LPL: variants seen among roughly 807,000 people sequenced by gnomAD.
The protein encoded by LPL is lipoprotein lipase.
LPL carries 43 observed loss-of-function variants against 52.2 expected under a neutral mutation model. That is an observed-to-expected ratio of 0.82 (90% confidence interval 0.64 to 1.06). LPL has a LOEUF of 1.06. LPL is among the 50% of genes least tolerant of loss of function. The pLI is 0.00. For synonymous variants in LPL, 244 were observed against 215.6 expected, an observed-to-expected ratio of 1.13 and a Z score of -1.15; for missense variants, 639 against 585.3, an observed-to-expected ratio of 1.09 and a Z score of -0.95.
chr8:19,948,204 A>G lies in LPL; in HGVS notation c.113A>G (p.Glu38Gly), dbSNP rs142501489. The G allele has an allele frequency of 1.5e-5, 24 of 1,614,068 alleles. No individual in the cohort carries two copies. Among genetic ancestry groups the G allele is most frequent in the Non-Finnish European group, 1.9e-5 (23 of 1,180,042 alleles). Residue 38 changes from glutamate to glycine, a missense_variant, in exon 2 of 10, where the codon GAA (glutamate) becomes GGA (glycine). Glu to Gly is a moderately conservative substitution (Grantham distance 98). Coordinates refer to ENST00000650287, the MANE Select transcript of LPL (RefSeq NM_000237.3). ...ADQRRDFIDI[E>G]SKFALRTPED... ...GAAAGAAGAGATTTTATCGACATCGAAAGTAAATTTGCCCTAAGGACCCCT... is the reference window on the plus strand; with the variant it reads ...GAAAGAAGAGATTTTATCGACATCGGAAGTAAATTTGCCCTAAGGACCCCT...
At position 19,962,099 on chromosome 8, in the gene LPL, C is replaced by G. The variant is rs776887768; in HGVS notation, c.1323-16C>G. The G allele has an allele frequency of 5.8e-6, 9 of 1,550,640 alleles. No individual in the cohort carries two copies. In the African/African-American group the frequency reaches 1.2e-4, roughly 21 times the overall value. On this transcript the variant is annotated splice_polypyrimidine_tract_variant and intron_variant, in intron 8 of 9. Coordinates refer to ENST00000650287, the MANE Select transcript of LPL (RefSeq NM_000237.3). ...ATTGTTCTACATGGCATATTCACATCCATTTTCTTCCACAGGGTGATCTTC... is the reference window on the plus strand; with the variant it reads ...ATTGTTCTACATGGCATATTCACATGCATTTTCTTCCACAGGGTGATCTTC...
chr8:19,953,464 G>A (rs1267185130), intron 4 of LPL, 43 bp downstream of exon 4: 17 of 1,428,898 alleles, frequency 1.2e-5, no homozygotes, highest in Non-Finnish European at 1.7e-5. Flanking sequence ...GAGGTGAAAA[G>A]ACTGTCATTC....
At position 19,959,250 on chromosome 8, in the gene LPL, T is replaced by C; in HGVS notation, c.1019-10T>C. On this transcript the variant is annotated splice_polypyrimidine_tract_variant and intron_variant, in intron 6 of 9. Transcript: ENST00000650287. The stretch of plus-strand genomic sequence containing the variant: ...GATTGATCAACATGTTCGAATTTCC[T>C]CCCCAACAGTCTTCCATTACCAAGT... The C allele has an allele frequency of 3.7e-6, 6 of 1,614,146 alleles. No homozygotes were observed. The highest frequency in any genetic ancestry group is 5.1e-6 in the Non-Finnish European group (6 of 1,179,990).
rs2070033603 is a variant in LPL, at chr8:19,961,026, G to A, written c.1265G>A (p.Ser422Asn). The A allele has an allele frequency of 6.2e-7, 1 of 1,614,136 alleles. No homozygotes were observed. The highest frequency in any genetic ancestry group is 8.5e-7 in the Non-Finnish European group (1 of 1,179,978). The change falls in exon 8 of 10, where the codon AGC (serine) becomes AAC (asparagine). Residue 422 changes from serine to asparagine, a missense_variant. Ser to Asn is a conservative substitution (Grantham distance 46, BLOSUM62 1). Transcript: ENST00000650287. ...TACTTTAGCTGGTCAGACTGGTGGA[G>A]CAGTCCCGGCTTCGCCATTCAGAAG... ...DSYFSWSDWW[S>N]SPGFAIQKIR...
At chr8:19,947,228 G>C (rs555540054) in intron 1 of LPL, among the ~76,000 whole-genome samples, 1 of 151,946 alleles carries the variant, frequency 6.6e-6, no homozygotes, top group African/African-American at 2.4e-5. Flanking sequence ...ATAGAGGCCC[G>C]GCCCGATGGC....
intron 2 of LPL, among the ~76,000 whole-genome samples, chr8:19,948,895 A>T (rs137999837): frequency 8.6e-5 from 13 of 152,032 alleles, no homozygotes; most frequent in African/African-American, 2.7e-4. Flanking sequence ...CTACTTCCAA[A>T]ATTTTCCAGT....
chr8:19,960,813 C>A, intron 7 of LPL, 88 bp from the exon 8 acceptor site: 1 of 914,386 alleles, frequency 1.1e-6, no homozygotes, highest in Non-Finnish European at 1.8e-6. Flanking sequence ...AATAATAAAG[C>A]TATTTATATT....
chr8:19,947,930 A>C (rs1158313705), intron 1 of LPL, among the ~76,000 whole-genome samples: 1 of 152,186 alleles, frequency 6.6e-6, no homozygotes, highest in Non-Finnish European at 1.5e-5. Context: ...GGAGAGCTTC[A>C]AGAAAGGCTG....
At position 19,948,341 on chromosome 8, in the gene LPL, G is replaced by A. The variant is rs1563569634; in HGVS notation, c.249+1G>A. ...CTTCATGGTGATCCATGGCTGGACG[G>A]TAAGGGAGGCTCTTTGGGGAAGAGT... On this transcript the variant is annotated splice_donor_variant, in intron 2 of 9. Coordinates refer to ENST00000650287, the MANE Select transcript of LPL (RefSeq NM_000237.3). LOFTEE classifies it high-confidence loss of function. 1 of 1,613,780 alleles carries A rather than the reference G, an allele frequency of 6.2e-7. No homozygotes were observed.
chr8:19,955,065 T>C (rs1313418277), intron 5 of LPL, among the ~76,000 whole-genome samples: 1 of 152,192 alleles, frequency 6.6e-6, no homozygotes, highest in Non-Finnish European at 1.5e-5. Context: ...CCTAGGATAT[T>C]CTCGTTATTT....
intron 1 of LPL, among the ~76,000 whole-genome samples, chr8:19,942,129 C>T (rs1187741169): frequency 1.3e-5 from 2 of 152,252 alleles, no homozygotes; most frequent in Admixed American, 1.3e-4. Context: ...GGGGGAAGAG[C>T]GGCGATGGAA....
chr8:19,953,437 C>T lies in LPL; in HGVS notation c.541+16C>T, dbSNP rs748582264. 1.1e-5 allele frequency: 18 copies of T among 1,581,794 alleles called. No homozygotes were observed. The highest frequency in any genetic ancestry group is 4.4e-5 in the South Asian group (4 of 90,434). ...AGAATTACTGGTAAGAAAGCAATTT[C>T]GTTGGTCTTATCATAAGAGGTGAAA... is the stretch of plus-strand genomic sequence containing the variant. On this transcript the variant is annotated intron_variant, in intron 4 of 9. Coordinates refer to ENST00000650287, the MANE Select transcript of LPL (RefSeq NM_000237.3).
chr8:19,945,945 G>C, intron 1 of LPL, among the ~76,000 whole-genome samples: 1 of 152,334 alleles, frequency 6.6e-6, no homozygotes, highest in East Asian at 1.9e-4. Flanking sequence ...AGGTGTGGGA[G>C]AGGGTGAAAT....
Position 19,948,633 on chromosome 8 carries a change from G to C in LPL, c.249+293G>C, listed in dbSNP as rs754141674. 3.1e-5 allele frequency: 12 copies of C among 390,792 alleles called. No homozygotes were observed. The Admixed American group carries it at 4.5e-4, about 15-fold the overall frequency. The allele number at this position is 390,792 out of a possible 1,614,324, so 24.2% of individuals were successfully genotyped here. A position where few individuals can be genotyped will look rare whatever the true frequency, so the allele number is the denominator to read the frequency against. ...CTGCCCAGCTACTGAGCAGAAGATA[G>C]GTGATTGCTGTGGGGAACCGGTGGA... On this transcript the variant is annotated intron_variant, in intron 2 of 9. Coordinates refer to ENST00000650287, the MANE Select transcript of LPL (RefSeq NM_000237.3).
In LPL at chr8:19,950,847, A is replaced by G. The variant is rs563524961; in HGVS notation, c.250-922A>G. On this transcript the variant is annotated intron_variant, in intron 2 of 9. Coordinates refer to ENST00000650287, the MANE Select transcript of LPL (RefSeq NM_000237.3). The surrounding 1 kb of genome is among the most constrained non-coding windows in gnomAD (Gnocchi z 4.2). ...GGGAAAGAAAGGAAGGAATGAAAGGAAGGAAGGGAAGGAGGAAGGGAAGGA... is the reference window on the plus strand; with the variant it reads ...GGGAAAGAAAGGAAGGAATGAAAGGGAGGAAGGGAAGGAGGAAGGGAAGGA... Among the ~76,000 whole-genome samples, 1 of 144,474 alleles carries G rather than the reference A, an allele frequency of 6.9e-6. No individual in the cohort carries two copies. The highest frequency in any genetic ancestry group is 2.2e-4 in the East Asian group (1 of 4,600). The allele number at this position is 144,474 out of a possible 152,430, so 94.8% of individuals were successfully genotyped here. A position where few individuals can be genotyped will look rare whatever the true frequency, so the allele number is the denominator to read the frequency against.
intron 1 of LPL, among the ~76,000 whole-genome samples, chr8:19,941,969 G>A (rs1342619430): frequency 1.3e-5 from 2 of 152,202 alleles, no homozygotes; most frequent in Non-Finnish European, 2.9e-5. Flanking sequence ...AGCAGCTGAA[G>A]TTCCACTTGC....
chr8:19,953,348 G>A lies in LPL; in HGVS notation c.468G>A (p.Leu156=), dbSNP rs759167136. ...ACCCTCTGGACAATGTCCATCTCTT[G>A]GGATACAGCCTTGGAGCCCATGCTG... The part of the protein sequence containing the change: ...FNYPLDNVHL[L]GYSLGAHAAG... The change falls in exon 4 of 10, where the codon TTG becomes TTA. Residue 156 remains leucine, a synonymous_variant. Coordinates refer to ENST00000650287, the MANE Select transcript of LPL (RefSeq NM_000237.3). The A allele has an allele frequency of 2.5e-6, 4 of 1,613,858 alleles. No homozygotes were observed. Among genetic ancestry groups the A allele is most frequent in the Admixed American group, 3.3e-5 (2 of 60,016 alleles).
Position 19,939,563 on chromosome 8 carries a change from G to A in LPL, c.88+35G>A. 1 of 1,582,522 alleles carries A rather than the reference G, an allele frequency of 6.3e-7. No individual in the cohort carries two copies. The highest frequency in any genetic ancestry group is 8.6e-7 in the Non-Finnish European group (1 of 1,165,860). On this transcript the variant is annotated intron_variant, in intron 1 of 9. Transcript: ENST00000650287. The surrounding 1 kb of genome is among the most constrained non-coding windows in gnomAD (Gnocchi z 4.0). ...GCGCGCAAACTCCCCTCCACCTGCA[G>A]ACCCGGCGGGTGGCCACTGCCACCC...
chr8:19,946,578 A>G (rs1017703767), intron 1 of LPL: 8 of 304,004 alleles, frequency 2.6e-5, no homozygotes, highest in Non-Finnish European at 4.6e-5. Flanking sequence ...TTTTGAGTTG[A>G]AAAAAAAGAG....
Sources: gnomAD v4.1 joint callset for allele counts (sites outside exome capture counted in the v4.1 genomes callset) on GRCh38, gnomAD v4.1.1 for gene constraint, Gnocchi (gnomAD v3.1) non-coding constraint, MANE v1.5 for transcripts, NCBI Gene and HGNC (gene_info 2026-07-23, HGNC 2026-07-21) for gene names.